DST: variants seen among roughly 807,000 people sequenced by gnomAD.
DST encodes the protein bullous pemphigoid antigen.
In DST, 253 loss-of-function variants were observed where a neutral mutation model predicts 875.2. The ratio of observed to expected loss-of-function variants is 0.29; its 90% CI spans 0.26 to 0.32. The LOEUF is 0.32. DST is among the 10% of genes least tolerant of loss of function. The pLI, the probability that DST is intolerant of heterozygous loss-of-function variation, is 1.00. For synonymous variants in DST, 3,124 were observed against 3,197.1 expected, an observed-to-expected ratio of 0.98 and a Z score of 0.77; for missense variants, 8,287 against 9,111.6, an observed-to-expected ratio of 0.91 and a Z score of 3.68.
At chr6:56,879,935 A>G (rs1011320751) in intron 3 of DST, among the ~76,000 whole-genome samples, 3 of 152,266 alleles carry the variant, frequency 2.0e-5, no homozygotes, top group African/African-American at 7.2e-5. Context: ...GTCATAGCTC[A>G]AGCAAAATTA....
chr6:56,583,209 C>T (rs1473843980), intron 49 of DST, among the ~76,000 whole-genome samples: 1 of 152,216 alleles, frequency 6.6e-6, no homozygotes, highest in Admixed American at 6.5e-5. Flanking sequence ...TACAGTCCCA[C>T]CAACAGTGTA....
chr6:56,752,084 CT>C (rs567889474), intron 4 of DST, among the ~76,000 whole-genome samples: 1,677 of 143,452 alleles, frequency 0.012, 27 homozygotes, highest in African/African-American at 0.036. Context: ...CCAAACTATT[CT>C]TTTTTTTTTT....
At chr6:56,522,580 C>T (rs1342633107) in intron 69 of DST, among the ~76,000 whole-genome samples, 4 of 152,040 alleles carry the variant, frequency 2.6e-5, no homozygotes, top group Admixed American at 6.6e-5. Flanking sequence ...ATCTCATTTC[C>T]GTAGGAGATG....
At chr6:56,468,908 AAGCTT>A (rs1348498674) in intron 98 of DST, 69 bp downstream of exon 98, 1 of 1,262,120 alleles carries the variant, frequency 7.9e-7, no homozygotes, top group East Asian at 2.6e-5. Context: ...TGGCCATGGC[AAGCTT>A]TAATGACTAT....
At chr6:56,908,910 T>A in intron 2 of DST, among the ~76,000 whole-genome samples, 1 of 152,218 alleles carries the variant, frequency 6.6e-6, no homozygotes, top group East Asian at 1.9e-4. Context: ...GCATGAATAA[T>A]CCACCCCTTG....
At chr6:56,634,368 G>A in intron 26 of DST, 94 bp downstream of exon 26, 1 of 1,605,606 alleles carries the variant, frequency 6.2e-7, no homozygotes. Flanking sequence ...AGAGACTTTT[G>A]ATCCTGTGGG....
intron 15 of DST, chr6:56,642,843 A>G (rs2098919833): frequency 1.9e-6 from 3 of 1,610,056 alleles, no homozygotes; most frequent in African/African-American, 1.3e-5. Context: ...ACTAAAAGGT[A>G]GGAGGTCTGG....
intron 10 of DST, among the ~76,000 whole-genome samples, chr6:56,659,489 G>C (rs947788953): frequency 1.3e-5 from 2 of 152,150 alleles, no homozygotes; most frequent in Non-Finnish European, 2.9e-5. Context: ...GGCCAATAGG[G>C]TGAAATACTA....
At position 56,954,777 on chromosome 6, in the gene DST, G is replaced by A. The variant is rs981292901; in HGVS notation, c.-190C>T. 1.1e-5 allele frequency: 2 copies of A among 176,868 alleles called. No individual in the cohort carries two copies. The highest frequency in any genetic ancestry group is 2.4e-5 in the African/African-American group (1 of 41,630). 11.0% of individuals were successfully genotyped at this position (176,868 alleles called of 1,614,324 possible). A position where few individuals can be genotyped will look rare whatever the true frequency, so the allele number is the denominator to read the frequency against. On this transcript the variant is annotated 5_prime_UTR_variant, in exon 1 of 104. Transcript: ENST00000680361. ...CCAGCCGCGCTACGCGAGTGATCCA[G>A]GGCTGCGGGGAGCGCTTGCCATGAC...
intron 49 of DST, 115 bp downstream of exon 49, chr6:56,592,067 A>G: frequency 1.1e-6 from 1 of 926,006 alleles, no homozygotes; most frequent in Non-Finnish European, 1.7e-6. Flanking sequence ...AGGCAGAAGT[A>G]TACTTTTCAC....
intron 8 of DST, among the ~76,000 whole-genome samples, chr6:56,700,981 C>CTCT (rs2099300579): frequency 7.8e-6 from 1 of 128,500 alleles, no homozygotes; most frequent in Non-Finnish European, 1.6e-5. Context: ...TTTCTCTTGC[C>CTCT]TTTTTTTTTT....
chr6:56,883,279 T>G (rs930705584), intron 3 of DST, among the ~76,000 whole-genome samples: 4 of 152,246 alleles, frequency 2.6e-5, no homozygotes, highest in African/African-American at 7.2e-5. Flanking sequence ...CTCTAGATTT[T>G]AAAACAGAAG....
chr6:56,926,860 G>A lies in DST; in HGVS notation c.217-26239C>T, dbSNP rs1039823142. Among the ~76,000 whole-genome samples the A allele has an allele frequency of 4.6e-5, 7 of 152,114 alleles. No homozygotes were observed. In the South Asian group the frequency reaches 1.0e-3, roughly 23 times the overall value. On this transcript the variant is annotated intron_variant, in intron 2 of 103. Coordinates refer to ENST00000680361, the MANE Select transcript of DST (RefSeq NM_001374736.1). ...ATGTACTTGAAGAACTTAGAAGGAAGAAGGGACACAAAACATACAGCACCA... is the reference window on the plus strand; with the variant it reads ...ATGTACTTGAAGAACTTAGAAGGAAAAAGGGACACAAAACATACAGCACCA...
intron 49 of DST, among the ~76,000 whole-genome samples, chr6:56,580,644 G>GC (rs1430656549): frequency 1.3e-5 from 2 of 151,368 alleles, no homozygotes; most frequent in East Asian, 3.9e-4. Flanking sequence ...GCTGGAGAGG[G>GC]CAGGAACAAA....
intron 69 of DST, among the ~76,000 whole-genome samples, chr6:56,521,156 AGT>A (rs2152496229): frequency 6.6e-6 from 1 of 152,226 alleles, no homozygotes; most frequent in East Asian, 1.9e-4. Context: ...ATGAAAAAGA[AGT>A]GAAAGTTAGT....
chr6:56,887,271 C>T lies in DST; in HGVS notation c.417+13150G>A, dbSNP rs554112634. Reference sequence around the variant, plus strand: ...TGATTCACAAAGACTGAGAGTGACACGGTAGCAGGTGGCTATGCTTCATCC... The same window carrying T: ...TGATTCACAAAGACTGAGAGTGACATGGTAGCAGGTGGCTATGCTTCATCC... On this transcript the variant is annotated intron_variant, in intron 3 of 103. Transcript: ENST00000680361. 5.9e-5 allele frequency among the ~76,000 whole-genome samples: 9 copies of T among 152,240 alleles called. No homozygotes were observed. The South Asian group carries it at 6.2e-4, about 11-fold the overall frequency.
rs2098741825 is a variant in DST, at chr6:56,627,115, T to G, written c.4722+89A>C. On this transcript the variant is annotated intron_variant, in intron 34 of 103. Coordinates refer to ENST00000680361, the MANE Select transcript of DST (RefSeq NM_001374736.1). ...TTCAAATGAAGATTCTTTTAAACAC[T>G]GAGTGAAATGACTTGCATGGCTTTA... 3.1e-6 allele frequency: 3 copies of G among 982,042 alleles called. No individual in the cohort carries two copies. The South Asian group carries it at 3.9e-5, about 13-fold the overall frequency. The allele number at this position is 982,042 out of a possible 1,614,324, so 60.8% of individuals were successfully genotyped here.
intron 9 of DST, among the ~76,000 whole-genome samples, chr6:56,695,287 C>T (rs1413988663): frequency 1.3e-5 from 2 of 152,032 alleles, no homozygotes; most frequent in East Asian, 3.9e-4. Flanking sequence ...GAAGCAGATG[C>T]CAGGACTATG....
intron 4 of DST, among the ~76,000 whole-genome samples, chr6:56,758,099 GAAA>G (rs2099608571): frequency 3.9e-5 from 6 of 152,206 alleles, no homozygotes; most frequent in Admixed American, 3.9e-4. Flanking sequence ...AACTGTAGCA[GAAA>G]CTTTTCCCCA....
Sources: allele counts gnomAD v4.1 joint callset (sites outside exome capture counted in the v4.1 genomes callset), GRCh38; gene constraint gnomAD v4.1.1; transcripts MANE v1.5; gene names NCBI Gene and HGNC (gene_info 2026-07-23, HGNC 2026-07-21).